Variants in GALNT16 observed in about 807,000 individuals in gnomAD.
The protein encoded by GALNT16 is UDP-GalNAc:polypeptide N-acetylgalactosaminyltransferase-like protein 1.
In GALNT16, 40 loss-of-function variants were observed where a neutral mutation model predicts 76.1. The ratio of observed to expected loss-of-function variants is 0.53; its 90% CI spans 0.41 to 0.68. The LOEUF is 0.68. Ranked by LOEUF, GALNT16 falls within the 30% of genes least tolerant of loss-of-function variation. GALNT16 has a pLI of 0.00. For synonymous variants in GALNT16, 276 were observed against 285.2 expected, an observed-to-expected ratio of 0.97 and a Z score of 0.32; for missense variants, 621 against 731.9, an observed-to-expected ratio of 0.85 and a Z score of 1.75.
intron 11 of GALNT16, among the ~76,000 whole-genome samples, chr14:69,340,138 G>C (rs1275920213): frequency 1.3e-5 from 2 of 152,202 alleles, no homozygotes; most frequent in Non-Finnish European, 2.9e-5. Flanking sequence ...TAGAAAATAA[G>C]AGTTGATTGC....
intron 6 of GALNT16, among the ~76,000 whole-genome samples, chr14:69,329,651 CGTT>C (rs1379866816): frequency 6.6e-6 from 1 of 152,082 alleles, no homozygotes; most frequent in Non-Finnish European, 1.5e-5. Flanking sequence ...AATCGGCTCA[CGTT>C]GTACAAGCAT....
chr14:69,343,569 G>A (rs985054280), intron 12 of GALNT16, among the ~76,000 whole-genome samples: 6 of 152,234 alleles, frequency 3.9e-5, no homozygotes, highest in African/African-American at 1.4e-4. Context: ...GCAACTTCCT[G>A]AAGTGGTCAC....
intron 1 of GALNT16, among the ~76,000 whole-genome samples, chr14:69,278,249 G>C (rs1266127037): frequency 6.6e-6 from 1 of 152,008 alleles, no homozygotes; most frequent in Non-Finnish European, 1.5e-5. Context: ...GCTCAAGCAG[G>C]CCTTCCACTT....
intron 1 of GALNT16, among the ~76,000 whole-genome samples, chr14:69,307,311 C>T (rs929363540): frequency 6.6e-6 from 1 of 152,170 alleles, no homozygotes; most frequent in African/African-American, 2.4e-5. Context: ...CCAAGCAAAG[C>T]GACAGATCAC....
chr14:69,285,955 C>T lies in GALNT16; in HGVS notation c.177+25488C>T, dbSNP rs377706884. On this transcript the variant is annotated intron_variant, in intron 1 of 14. Coordinates refer to ENST00000448469, the MANE Select transcript of GALNT16 (RefSeq NM_001168368.2). ...AGCATCCTGGTCTGACTCCCCCACCCGCCCCAGTGCAACCAGTTTCCCACT... is the reference window on the plus strand; with the variant it reads ...AGCATCCTGGTCTGACTCCCCCACCTGCCCCAGTGCAACCAGTTTCCCACT... Among the ~76,000 whole-genome samples the T allele has an allele frequency of 2.0e-4, 30 of 152,288 alleles. 1 individual carries two copies. In the South Asian group the frequency reaches 5.2e-3, roughly 26 times the overall value.
At chr14:69,296,728 T>TGATAGATCGATC (rs74676197) in intron 1 of GALNT16, among the ~76,000 whole-genome samples, 1 of 142,058 alleles carries the variant, frequency 7.0e-6, no homozygotes, top group Middle Eastern at 3.6e-3. Flanking sequence ...GACAGATAGA[T>TGATAGATCGATC]GATAGATAGA....
At chr14:69,293,607 A>G (rs2044714764) in intron 1 of GALNT16, among the ~76,000 whole-genome samples, 1 of 152,170 alleles carries the variant, frequency 6.6e-6, no homozygotes, top group African/African-American at 2.4e-5. Context: ...TTTGGCCCTT[A>G]AAATCTGGCT....
intron 5 of GALNT16, among the ~76,000 whole-genome samples, chr14:69,327,984 A>G (rs925969732): frequency 5.9e-5 from 9 of 152,220 alleles, no homozygotes; most frequent in Non-Finnish European, 1.5e-5. Flanking sequence ...GAGCGGTTAA[A>G]TAACATGCTG....
chr14:69,377,830 A>G, the GALNT16 span, among the ~76,000 whole-genome samples: 1 of 150,048 alleles, frequency 6.7e-6, no homozygotes, highest in African/African-American at 2.4e-5. Flanking sequence ...AAAAAAAAAA[A>G]AAAAAGAACA....
intron 1 of GALNT16, among the ~76,000 whole-genome samples, chr14:69,283,164 T>A (rs1258055145): frequency 6.6e-6 from 1 of 152,188 alleles, no homozygotes; most frequent in Non-Finnish European, 1.5e-5. Flanking sequence ...TCTTCATCAA[T>A]AAAATGAGCA....
At chr14:69,361,549 G>A (rs1345566741), downstream of GALNT16, among the ~76,000 whole-genome samples, 3 of 152,178 alleles carry the variant, frequency 2.0e-5, no homozygotes, top group Non-Finnish European at 2.9e-5. Flanking sequence ...TTGCACTTGA[G>A]GACACTGAGG....
chr14:69,364,381 A>G, the GALNT16 span, among the ~76,000 whole-genome samples: 3 of 152,270 alleles, frequency 2.0e-5, no homozygotes, highest in Non-Finnish European at 4.4e-5. The surrounding 1 kb of genome is among the most constrained non-coding windows in gnomAD (Gnocchi z 4.2). Flanking sequence ...ATGTGAGAAC[A>G]AAGATTATAC....
At chr14:69,361,503 A>C (rs537701274), downstream of GALNT16, among the ~76,000 whole-genome samples, 1 of 152,178 alleles carries the variant, frequency 6.6e-6, no homozygotes, top group South Asian at 2.1e-4. Flanking sequence ...CTGTATATTC[A>C]TAGAACACTG....
At position 69,352,866 on chromosome 14, in the gene GALNT16, G is replaced by T. The variant is rs2045655874; in HGVS notation, c.*698G>T. Among the ~76,000 whole-genome samples the T allele has an allele frequency of 6.6e-6, 1 of 152,208 alleles. No homozygotes were observed. The highest frequency in any genetic ancestry group is 2.1e-4 in the South Asian group (1 of 4,834). On this transcript the variant is annotated 3_prime_UTR_variant, in exon 15 of 15. Transcript: ENST00000448469. ...ACACAGTCCCTTCCACACTTTACCA[G>T]CCCCAGGGTCTGAGCCCGACGCTGC...
In GALNT16 at chr14:69,353,030, C is replaced by T. The variant is rs1051272782; in HGVS notation, c.*862C>T. 2.0e-5 allele frequency among the ~76,000 whole-genome samples: 3 copies of T among 152,256 alleles called. No homozygotes were observed. The highest frequency in any genetic ancestry group is 4.8e-5 in the African/African-American group (2 of 41,546). ...ATGTGTCAGGCTGAGACCTCTCTCTCGGGCATTAATGAACAGCTAGTGCCC... is the reference window on the plus strand; with the variant it reads ...ATGTGTCAGGCTGAGACCTCTCTCTTGGGCATTAATGAACAGCTAGTGCCC... On this transcript the variant is annotated 3_prime_UTR_variant, in exon 15 of 15. Coordinates refer to ENST00000448469, the MANE Select transcript of GALNT16 (RefSeq NM_001168368.2).
chr14:69,385,822 G>C, the GALNT16 span, among the ~76,000 whole-genome samples: 1 of 152,012 alleles, frequency 6.6e-6, no homozygotes, highest in Non-Finnish European at 1.5e-5. Flanking sequence ...TAAATTCTCA[G>C]TCCTCACATA....
At chr14:69,386,268 A>G in the GALNT16 span, among the ~76,000 whole-genome samples, 2 of 152,236 alleles carry the variant, frequency 1.3e-5, no homozygotes, top group East Asian at 1.9e-4. Flanking sequence ...TAAGACTTGT[A>G]TATTTCTCAT....
At chr14:69,361,518 G>A (rs1035030117), downstream of GALNT16, among the ~76,000 whole-genome samples, 5 of 152,214 alleles carry the variant, frequency 3.3e-5, no homozygotes, top group African/African-American at 1.2e-4. Flanking sequence ...ACACTGACAT[G>A]TTTGTACTGT....
At chr14:69,332,670 G>A in intron 7 of GALNT16, 2 of 170,370 alleles carry the variant, frequency 1.2e-5, no homozygotes, top group Non-Finnish European at 2.5e-5. Context: ...TCAGGGCTTT[G>A]GCACTGGCAG....
Sources: gnomAD v4.1 joint callset for allele counts (sites outside exome capture counted in the v4.1 genomes callset) on GRCh38, gnomAD v4.1.1 for gene constraint, Gnocchi (gnomAD v3.1) non-coding constraint, MANE v1.5 for transcripts, NCBI Gene and HGNC (gene_info 2026-07-23, HGNC 2026-07-21) for gene names.